PES1: variants seen among roughly 807,000 people sequenced by gnomAD.
PES1 encodes the protein pescadillo ribosomal biogenesis factor 1, also known as pescadillo homolog.
PES1 carries 31 observed loss-of-function variants against 77.1 expected under a neutral mutation model. The observed-to-expected ratio is 0.40, with a 90% CI of 0.30 to 0.54. PES1 has a LOEUF of 0.54. PES1 is among the 20% of genes least tolerant of loss of function. The probability of loss-of-function intolerance (pLI) is 0.45; values close to 1 mark genes in which losing one functional copy is unlikely to be tolerated. For synonymous variants in PES1, 282 were observed against 303.0 expected, an observed-to-expected ratio of 0.93 and a Z score of 0.72; for missense variants, 658 against 771.7, an observed-to-expected ratio of 0.85 and a Z score of 1.75.
chr22:30,601,005 C>T (rs73881486), intron 2 of PES1, among the ~76,000 whole-genome samples: 1 of 152,174 alleles, frequency 6.6e-6, no homozygotes, highest in Non-Finnish European at 1.5e-5. Context: ...TTGTAGCTGC[C>T]TCAAGGCAGT....
intron 2 of PES1, among the ~76,000 whole-genome samples, chr22:30,600,892 C>G (rs958733429): frequency 2.0e-5 from 3 of 152,144 alleles, no homozygotes; most frequent in Non-Finnish European, 2.9e-5. Context: ...GCGATAAAAG[C>G]TGGAATAGTA....
intron 4 of PES1, 44 bp from the exon 5 acceptor site, chr22:30,584,761 G>A: frequency 6.3e-7 from 1 of 1,597,968 alleles, no homozygotes; most frequent in Non-Finnish European, 8.5e-7. Context: ...TTCAGCGTGG[G>A]TGCCAAGGGG....
chr22:30,578,483 CAAG>C (rs2086933691), intron 14 of PES1, among the ~76,000 whole-genome samples: 1 of 152,126 alleles, frequency 6.6e-6, no homozygotes, highest in South Asian at 2.1e-4. Context: ...GCTTCATGAA[CAAG>C]AAAATACAAA....
chr22:30,600,947 T>C (rs924490958), intron 2 of PES1, among the ~76,000 whole-genome samples: 5 of 152,180 alleles, frequency 3.3e-5, no homozygotes, highest in Admixed American at 1.3e-4. Flanking sequence ...CTCTCTCTCT[T>C]AAGGTAATCT....
chr22:30,598,110 C>G (rs7292248), intron 2 of PES1, among the ~76,000 whole-genome samples: 15,415 of 152,098 alleles, frequency 0.1, 1,011 homozygotes, highest in Non-Finnish European at 0.15. Context: ...GTCTCGATCG[C>G]AGTTGAAGTT....
At chr22:30,580,905 T>C in intron 9 of PES1, 107 bp downstream of exon 9, 1 of 1,205,642 alleles carries the variant, frequency 8.3e-7, no homozygotes, top group Non-Finnish European at 1.2e-6. Context: ...CTCAGTTGCT[T>C]TGACCATCAA....
At chr22:30,594,706 G>C (rs944298083), upstream of PES1, among the ~76,000 whole-genome samples, 1 of 151,914 alleles carries the variant, frequency 6.6e-6, no homozygotes, top group Admixed American at 6.6e-5. Flanking sequence ...ATAGGGCCAG[G>C]TTCCTGTAGT....
intron 2 of PES1, among the ~76,000 whole-genome samples, chr22:30,603,249 G>T (rs552213573): frequency 1.3e-5 from 2 of 152,196 alleles, no homozygotes; most frequent in East Asian, 1.9e-4. Flanking sequence ...CCCCTAAAAG[G>T]TTCTTGGAGA....
At chr22:30,604,981 C>T (rs2145523619) in intron 2 of PES1, among the ~76,000 whole-genome samples, 1 of 152,262 alleles carries the variant, frequency 6.6e-6, no homozygotes, top group African/African-American at 2.4e-5. Flanking sequence ...ACCAGTCACT[C>T]TATTTCTTTT....
chr22:30,580,476 G>T, intron 10 of PES1, 95 bp downstream of exon 10: 1 of 1,487,682 alleles, frequency 6.7e-7, no homozygotes, highest in Non-Finnish European at 9.2e-7. Flanking sequence ...AGTGGAAACT[G>T]ACACCATCCC....
intron 4 of PES1, chr22:30,585,447 C>A: frequency 2.4e-6 from 1 of 422,470 alleles, no homozygotes; most frequent in Non-Finnish European, 5.0e-6. Flanking sequence ...CAGTCCCGGT[C>A]TGAGCTGTGA....
chr22:30,598,912 T>A (rs11913753), intron 2 of PES1, among the ~76,000 whole-genome samples: 22 of 116,428 alleles, frequency 1.9e-4, no homozygotes, highest in South Asian at 5.8e-4. Flanking sequence ...TTTTTTTTTT[T>A]TTGAGATGGA....
At position 30,596,945 on chromosome 22, in the gene PES1, G is replaced by A. The variant is rs558104255; in HGVS notation, c.-660-4547C>T. On this transcript the variant is annotated intron_variant, in intron 2 of 16. Coordinates refer to the PES1 transcript ENST00000402281. ...GGGTGGGCGTGAGCTTGGCGGGCCC[G>A]CACTCGGAGAAGCCAGCCGGCCGGC... Among the ~76,000 whole-genome samples, 334 of 152,306 alleles carry A rather than the reference G, an allele frequency of 2.2e-3. 5 individuals carry two copies. Among genetic ancestry groups the A allele is most frequent in the Admixed American group, 5.7e-3 (87 of 15,312 alleles).
chr22:30,582,151 C>G (rs753930256), intron 6 of PES1, among the ~76,000 whole-genome samples: 15 of 152,244 alleles, frequency 9.9e-5, no homozygotes, highest in Non-Finnish European at 1.9e-4. Context: ...CTGTCTCTAG[C>G]CCAGAGGGGC....
At chr22:30,586,324 TG>T (rs2087089492) in intron 4 of PES1, among the ~76,000 whole-genome samples, 1 of 152,156 alleles carries the variant, frequency 6.6e-6, no homozygotes, top group Non-Finnish European at 1.5e-5. Flanking sequence ...ACAGCTGGGA[TG>T]CGAACACCAG....
At chr22:30,605,386 C>G in intron 2 of PES1, 1 of 881,326 alleles carries the variant, frequency 1.1e-6, no homozygotes, top group Non-Finnish European at 1.4e-6. Flanking sequence ...GGGGGTGTCT[C>G]CCTCCTTTAC....
At chr22:30,601,065 G>A (rs1359889788) in intron 2 of PES1, among the ~76,000 whole-genome samples, 1 of 152,228 alleles carries the variant, frequency 6.6e-6, no homozygotes, top group Non-Finnish European at 1.5e-5. Context: ...GTTCAAGTGA[G>A]CAAGGTGGAA....
chr22:30,600,802 G>A (rs999839111), intron 2 of PES1, among the ~76,000 whole-genome samples: 2 of 152,106 alleles, frequency 1.3e-5, no homozygotes, highest in African/African-American at 2.4e-5. Flanking sequence ...GTGACAGAGC[G>A]CGAGACTCCA....
At position 30,576,944 on chromosome 22, in the gene PES1, A is replaced by T; in HGVS notation, c.*102T>A. Reference sequence around the variant, plus strand: ...GTCAGGGCTGGCTGGAGAAAGGAGGAGGAGAAGTGACTCTGGTCCATCACA... The same window carrying T: ...GTCAGGGCTGGCTGGAGAAAGGAGGTGGAGAAGTGACTCTGGTCCATCACA... On this transcript the variant is annotated 3_prime_UTR_variant, in exon 15 of 15. Coordinates refer to ENST00000354694, the MANE Select transcript of PES1 (RefSeq NM_014303.4). 1 of 952,960 alleles carries T rather than the reference A, an allele frequency of 1.0e-6. No individual in the cohort carries two copies. The highest frequency in any genetic ancestry group is 1.7e-6 in the Non-Finnish European group (1 of 586,874). 59.0% of individuals were successfully genotyped at this position (952,960 alleles called of 1,614,324 possible). A position where few individuals can be genotyped will look rare whatever the true frequency, so the allele number is the denominator to read the frequency against.
Sources: gnomAD v4.1 joint callset for allele counts (sites outside exome capture counted in the v4.1 genomes callset) on GRCh38, gnomAD v4.1.1 for gene constraint, MANE v1.5 for transcripts, NCBI Gene and HGNC (gene_info 2026-07-23, HGNC 2026-07-21) for gene names.